The following NRXN1 variants were observed in gnomAD, a reference collection of about 807,000 sequenced individuals.
The protein encoded by NRXN1 is neurexin-1.
NRXN1 carries 39 observed loss-of-function variants against 150.9 expected under a neutral mutation model. The ratio of observed to expected loss-of-function variants is 0.26; its 90% confidence interval spans 0.20 to 0.34. The LOEUF is 0.34. NRXN1 is among the 10% of genes least tolerant of loss of function. The pLI, the probability that NRXN1 is intolerant of heterozygous loss-of-function variation, is 1.00. For missense variants in NRXN1, 1,815 were observed against 1,949.9 expected (o/e 0.93, Z 1.30); for synonymous variants, 924 against 757.0 (o/e 1.22, Z -3.62).
chr2:50,118,308 G>T (rs551811655), intron 18 of NRXN1, among the ~76,000 whole-genome samples: 2 of 152,274 alleles, frequency 1.3e-5, no homozygotes, highest in East Asian at 3.9e-4. Context: ...TGCTGATGCC[G>T]CCAGTCTGCA....
intron 2 of NRXN1, among the ~76,000 whole-genome samples, chr2:50,959,880 A>G (rs1198006724): frequency 6.6e-6 from 1 of 152,056 alleles, no homozygotes; most frequent in Admixed American, 6.6e-5. Context: ...TTAACAAATG[A>G]AAACTTGAGA....
intron 21 of NRXN1, among the ~76,000 whole-genome samples, chr2:50,039,831 A>G (rs1459541210): frequency 6.6e-6 from 1 of 152,232 alleles, no homozygotes; most frequent in African/African-American, 2.4e-5. Context: ...GAAAACAAAT[A>G]TGATTCAAAT....
At position 50,500,283 on chromosome 2, in the gene NRXN1, A is replaced by AT. The variant is rs550880219; in HGVS notation, c.2498-2570_2498-2569insA. ...TCTCTCAAAGGAATAGAATATGCACACAGAGCATAAATAATAAAAAGGTAG... is the reference window on the plus strand; with the variant it reads ...TCTCTCAAAGGAATAGAATATGCACATCAGAGCATAAATAATAAAAAGGTAG... On this transcript the variant is annotated intron_variant, in intron 13 of 22. Coordinates refer to ENST00000401669, the MANE Select transcript of NRXN1 (RefSeq NM_001330078.2). 2.1e-3 allele frequency among the ~76,000 whole-genome samples: 315 copies of AT among 152,324 alleles called. 2 individuals carry two copies. The highest frequency in any genetic ancestry group is 0.015 in the South Asian group (73 of 4,830).
In NRXN1 at chr2:50,659,875, G is replaced by A. The variant is rs148832315; in HGVS notation, c.833-36260C>T. On this transcript the variant is annotated intron_variant, in intron 5 of 22. Transcript: ENST00000401669. ...TTTCTTTGATTTCATTCTAAATTAA[G>A]TTTCTATTTTAATATGATTAGAGGC... is the stretch of plus-strand genomic sequence containing the variant. 4.6e-3 allele frequency among the ~76,000 whole-genome samples: 691 copies of A among 151,794 alleles called. 5 individuals carry two copies. Among genetic ancestry groups the A allele is most frequent in the African/African-American group, 0.015 (642 of 41,458 alleles).
chr2:49,944,896 T>C (rs1672615450), intron 21 of NRXN1, among the ~76,000 whole-genome samples: 1 of 152,160 alleles, frequency 6.6e-6, no homozygotes. Context: ...AAATACGATA[T>C]GAGCACCTAA....
At chr2:50,896,654 C>T (rs1483733365) in intron 5 of NRXN1, among the ~76,000 whole-genome samples, 2 of 152,106 alleles carry the variant, frequency 1.3e-5, no homozygotes, top group Non-Finnish European at 2.9e-5. Context: ...CAAGATCAGA[C>T]TGGCCAACAT....
Position 50,777,809 on chromosome 2 carries a change from G to A in NRXN1, c.832+144060C>T, listed in dbSNP as rs565575979. ...ACACTGGACTGAGAATTAGGCCTTG[G>A]GCAAATCAAATCCATTCTGAGTCTA... is the stretch of plus-strand genomic sequence containing the variant. On this transcript the variant is annotated intron_variant, in intron 5 of 22. Transcript: ENST00000401669. 5.9e-5 allele frequency among the ~76,000 whole-genome samples: 9 copies of A among 152,166 alleles called. No individual in the cohort carries two copies. The South Asian group carries it at 1.9e-3, about 32-fold the overall frequency.
chr2:50,377,526 G>T (rs1423761000), intron 17 of NRXN1, among the ~76,000 whole-genome samples: 1 of 152,078 alleles, frequency 6.6e-6, no homozygotes, highest in Non-Finnish European at 1.5e-5. Context: ...TTGATTCCAT[G>T]TCTTTTTTAT....
At chr2:50,686,504 A>G (rs1427299598) in intron 5 of NRXN1, among the ~76,000 whole-genome samples, 1 of 152,190 alleles carries the variant, frequency 6.6e-6, no homozygotes, top group Non-Finnish European at 1.5e-5. Context: ...TTCTTGTTTC[A>G]GGCCTTCTGC....
chr2:50,157,264 G>T (rs769001061), intron 18 of NRXN1, among the ~76,000 whole-genome samples: 12 of 151,942 alleles, frequency 7.9e-5, no homozygotes, highest in Admixed American at 3.9e-4. Context: ...AGATCATTTG[G>T]ACTTCTCTCT....
chr2:50,294,434 C>T (rs1181431109), intron 17 of NRXN1, among the ~76,000 whole-genome samples: 1 of 152,018 alleles, frequency 6.6e-6, no homozygotes, highest in African/African-American at 2.4e-5. Context: ...TAAAATAAAT[C>T]AGAAATAGCA....
chr2:50,406,865 A>C (rs2082783013), intron 17 of NRXN1, among the ~76,000 whole-genome samples: 1 of 152,296 alleles, frequency 6.6e-6, no homozygotes, highest in African/African-American at 2.4e-5. Context: ...ATGCAATTTA[A>C]TCTATGCAGC....
chr2:50,408,837 A>ATCCCTCTC (rs1553564149), intron 17 of NRXN1, among the ~76,000 whole-genome samples: 2 of 136,652 alleles, frequency 1.5e-5, no homozygotes, highest in East Asian at 4.4e-4. Context: ...ATCAATCTCA[A>ATCCCTCTC]TCTCTCTCTC....
At chr2:50,733,224 C>A (rs1043635612) in intron 5 of NRXN1, among the ~76,000 whole-genome samples, 1 of 152,012 alleles carries the variant, frequency 6.6e-6, no homozygotes, top group Non-Finnish European at 1.5e-5. Context: ...TGTAAGGCTG[C>A]CAGGCAATGG....
chr2:50,477,954 C>G (rs73930558), intron 15 of NRXN1, among the ~76,000 whole-genome samples: 3,250 of 152,264 alleles, frequency 0.021, 47 homozygotes, highest in Middle Eastern at 0.061. Context: ...GTAGTGCAAT[C>G]AAGCTTGGGT....
intron 21 of NRXN1, among the ~76,000 whole-genome samples, chr2:49,964,758 T>C (rs187424959): frequency 5.7e-4 from 87 of 152,170 alleles, no homozygotes; most frequent in African/African-American, 2.0e-3. Flanking sequence ...GGAGAATCAC[T>C]TGAACCCAGG....
At chr2:50,625,547 C>A (rs1680864912) in intron 5 of NRXN1, among the ~76,000 whole-genome samples, 1 of 152,044 alleles carries the variant, frequency 6.6e-6, no homozygotes, top group South Asian at 2.1e-4. Context: ...ACACAATGGA[C>A]TTAATTCCTG....
intron 22 of NRXN1, among the ~76,000 whole-genome samples, chr2:49,926,105 T>C (rs917989440): frequency 6.6e-6 from 1 of 152,230 alleles, no homozygotes; most frequent in Non-Finnish European, 1.5e-5. Flanking sequence ...TTTTGACTTT[T>C]GCTGGCATTT....
intron 17 of NRXN1, among the ~76,000 whole-genome samples, chr2:50,323,720 T>C (rs1019465549): frequency 6.6e-6 from 1 of 152,108 alleles, no homozygotes; most frequent in African/African-American, 2.4e-5. Flanking sequence ...TTGGTCTAGG[T>C]TCCTCTAAGT....
Sources: allele counts gnomAD v4.1 joint callset (sites outside exome capture counted in the v4.1 genomes callset), GRCh38; gene constraint gnomAD v4.1.1; transcripts MANE v1.5; gene names NCBI Gene and HGNC (gene_info 2026-07-23, HGNC 2026-07-21).